CCDC73: variants seen among roughly 807,000 people sequenced by gnomAD.
The protein encoded by CCDC73 is coiled-coil domain-containing protein 73.
Under a neutral mutation model 116.5 loss-of-function variants are expected in CCDC73, and 95 were observed. The observed-to-expected ratio is 0.82, with a 90% CI of 0.69 to 0.97. The LOEUF (loss-of-function observed/expected upper bound fraction) is 0.97, where lower values mean the gene tolerates loss of function less well. CCDC73 is among the 50% of genes least tolerant of loss of function. The pLI is 0.00. For missense variants in CCDC73, 1,066 were observed against 1,206.8 expected, an observed-to-expected ratio of 0.88 and a Z score of 1.73; for synonymous variants, 398 against 401.3, an observed-to-expected ratio of 0.99 and a Z score of 0.10.
Position 32,755,669 on chromosome 11 carries a change from GTATATATATATCTCCATATATA to G in CCDC73, c.135+4418_135+4439del, listed in dbSNP as rs1565094197. Among the ~76,000 whole-genome samples, 11 of 58,434 alleles carry G rather than the reference GTATATATATATCTCCATATATA, an allele frequency of 1.9e-4. 1 individual carries two copies. Among genetic ancestry groups the G allele is most frequent in the African/African-American group, 7.7e-4 (11 of 14,370 alleles). The allele number at this position is 58,434 out of a possible 152,430, so 38.3% of individuals were successfully genotyped here. A position where few individuals can be genotyped will look rare whatever the true frequency, so the allele number is the denominator to read the frequency against. ...TATATATATATCTCCATATATATGT[GTATATATATATCTCCATATATA>G]TGTGTATATATATATCTCCATATAT... On this transcript the variant is annotated intron_variant, in intron 2 of 17. Coordinates refer to ENST00000335185, the MANE Select transcript of CCDC73 (RefSeq NM_001008391.4).
intron 9 of CCDC73, among the ~76,000 whole-genome samples, chr11:32,663,508 T>C (rs1855950308): frequency 6.6e-6 from 1 of 152,222 alleles, no homozygotes; most frequent in Admixed American, 6.5e-5. Context: ...AGGATGCTTG[T>C]GATTTTTTGC....
At position 32,759,345 on chromosome 11, in the gene CCDC73, T is replaced by TC. The variant is rs35848251; in HGVS notation, c.135+763dup. On this transcript the variant is annotated intron_variant, in intron 2 of 17. Coordinates refer to ENST00000335185, the MANE Select transcript of CCDC73 (RefSeq NM_001008391.4). ...TTTTTTCCTTTTTTTTTTTTTTTTT[T>TC]CTTGAGATAGAGTCTTGCTCCGTCA... Among the ~76,000 whole-genome samples the TC allele has an allele frequency of 6.0e-5, 9 of 150,230 alleles. 1 individual carries two copies. In the East Asian group the frequency reaches 1.4e-3, roughly 23 times the overall value.
At chr11:32,624,176 CAAA>C (rs35801105) in intron 14 of CCDC73, among the ~76,000 whole-genome samples, 1 of 141,256 alleles carries the variant, frequency 7.1e-6, no homozygotes. Flanking sequence ...TACTAAAATA[CAAA>C]AAAAAAAAAA....
chr11:32,799,998 T>G, the CCDC73 span, among the ~76,000 whole-genome samples: 1 of 152,228 alleles, frequency 6.6e-6, no homozygotes, highest in Non-Finnish European at 1.5e-5. Context: ...ATACATTTAA[T>G]AAATATTAAT....
At chr11:32,705,563 G>T (rs924360261) in intron 3 of CCDC73, among the ~76,000 whole-genome samples, 16 of 152,170 alleles carry the variant, frequency 1.1e-4, no homozygotes, top group African/African-American at 3.4e-4. Context: ...TGCCTGGCTT[G>T]CTCTTGGCAG....
chr11:32,657,503 C>A (rs1855884523), intron 9 of CCDC73, among the ~76,000 whole-genome samples: 1 of 152,068 alleles, frequency 6.6e-6, no homozygotes, highest in Admixed American at 6.5e-5. Flanking sequence ...TAGTGGATAT[C>A]CTCCATTTAT....
chr11:32,695,862 A>G (rs1359197176), intron 6 of CCDC73, among the ~76,000 whole-genome samples: 1 of 151,536 alleles, frequency 6.6e-6, no homozygotes, highest in Non-Finnish European at 1.5e-5. Flanking sequence ...CCTAGATTTA[A>G]AAACATAAGA....
intron 14 of CCDC73, among the ~76,000 whole-genome samples, chr11:32,632,173 T>C (rs1283618671): frequency 2.0e-5 from 3 of 152,214 alleles, no homozygotes; most frequent in Admixed American, 2.0e-4. Flanking sequence ...GAATATTTCA[T>C]GTGCTGCTGA....
At chr11:32,829,168 A>G in the CCDC73 span, among the ~76,000 whole-genome samples, 1 of 152,252 alleles carries the variant, frequency 6.6e-6, no homozygotes, top group Admixed American at 6.5e-5. Flanking sequence ...ATTAATCTCT[A>G]TAAATCTACA....
intron 1 of CCDC73, among the ~76,000 whole-genome samples, chr11:32,767,122 G>C (rs1375428869): frequency 6.6e-6 from 1 of 152,086 alleles, no homozygotes; most frequent in Non-Finnish European, 1.5e-5. Flanking sequence ...CCAAAACAGA[G>C]ATATAGACCA....
In CCDC73 at chr11:32,631,630, GGGAAA is replaced by G. The variant is rs372803412; in HGVS notation, c.1185+4061_1185+4065del. Among the ~76,000 whole-genome samples the G allele has an allele frequency of 6.0e-3, 910 of 150,572 alleles. 6 individuals carry two copies. Among genetic ancestry groups the G allele is most frequent in the African/African-American group, 0.021 (851 of 40,666 alleles). Reference sequence around the variant, plus strand: ...AGGAAGGGAAGGGAAGGGAAGGGACGGGAAAGGAAAGGAAAGGAAAGGAAGGAAAG... The same window carrying G: ...AGGAAGGGAAGGGAAGGGAAGGGACGGGAAAGGAAAGGAAAGGAAGGAAAG... On this transcript the variant is annotated intron_variant, in intron 14 of 17. Transcript: ENST00000335185.
chr11:32,688,278 C>T (rs1856223792), intron 6 of CCDC73, among the ~76,000 whole-genome samples: 1 of 152,102 alleles, frequency 6.6e-6, no homozygotes, highest in South Asian at 2.1e-4. Context: ...CTGTGATATT[C>T]CTTCCAGAGA....
At chr11:32,657,245 T>C (rs1185748611) in intron 9 of CCDC73, among the ~76,000 whole-genome samples, 1 of 152,132 alleles carries the variant, frequency 6.6e-6, no homozygotes, top group East Asian at 1.9e-4. Context: ...ATATCCTAAC[T>C]CCAAATTCAA....
chr11:32,808,762 T>A, the CCDC73 span, among the ~76,000 whole-genome samples: 17,969 of 152,294 alleles, frequency 0.12, 1,091 homozygotes, highest in African/African-American at 0.13. Flanking sequence ...GAAACAAACT[T>A]TTAAATTATT....
chr11:32,759,998 T>A, intron 2 of CCDC73, 111 bp downstream of exon 2: 1 of 868,074 alleles, frequency 1.2e-6, no homozygotes, highest in Non-Finnish European at 1.9e-6. Flanking sequence ...GGACTATATA[T>A]TTTATTTCTA....
intron 13 of CCDC73, among the ~76,000 whole-genome samples, chr11:32,640,885 C>T (rs1234894290): frequency 1.3e-5 from 2 of 151,788 alleles, no homozygotes; most frequent in Admixed American, 6.6e-5. Context: ...GGCGTGGTGG[C>T]GGGTGCCTGT....
At chr11:32,668,765 A>T (rs981053157) in intron 9 of CCDC73, among the ~76,000 whole-genome samples, 49 of 152,198 alleles carry the variant, frequency 3.2e-4, no homozygotes, top group African/African-American at 1.1e-3. Context: ...TTAAGTGTGA[A>T]CAGACAAGTG....
rs141501350 is a variant in CCDC73, at chr11:32,713,477, C to A, written c.207+4599G>T. ...AGGGGATGGTTATCATAAAGCCACA[C>A]TGAAAGGGATAACGTTAAGGCTAGA... On this transcript the variant is annotated intron_variant, in intron 3 of 17. Coordinates refer to ENST00000335185, the MANE Select transcript of CCDC73 (RefSeq NM_001008391.4). Among the ~76,000 whole-genome samples, 85 of 152,104 alleles carry A rather than the reference C, an allele frequency of 5.6e-4. 1 individual carries two copies. Among genetic ancestry groups the A allele is most frequent in the African/African-American group, 2.0e-3 (82 of 41,544 alleles).
At chr11:32,759,849 A>G (rs1266435281) in intron 2 of CCDC73, among the ~76,000 whole-genome samples, 2 of 152,168 alleles carry the variant, frequency 1.3e-5, no homozygotes, top group African/African-American at 4.8e-5. Flanking sequence ...ACTCCCAGGG[A>G]CTCAATAAAT....
Sources: allele counts gnomAD v4.1 joint callset (sites outside exome capture counted in the v4.1 genomes callset), GRCh38; gene constraint gnomAD v4.1.1; transcripts MANE v1.5; gene names NCBI Gene and HGNC (gene_info 2026-07-23, HGNC 2026-07-21).